The following EPHB2 variants were observed in gnomAD, a reference collection of about 807,000 sequenced individuals.
The protein encoded by EPHB2 is ephrin type-B receptor 2.
A neutral mutation model predicts 96.4 loss-of-function variants in EPHB2; 18 were observed. The observed-to-expected ratio is 0.19, with a 90% CI of 0.13 to 0.28. The LOEUF (loss-of-function observed/expected upper bound fraction) is 0.28, where lower values mean the gene tolerates loss of function less well. EPHB2 is among the 10% of genes least tolerant of loss of function. The pLI is 1.00. For synonymous variants in EPHB2, 506 were observed against 534.1 expected (o/e 0.95, Z 0.72); for missense variants, 989 against 1,355.4 (o/e 0.73, Z 4.25).
chr1:22,872,218 G>T (rs892423066), intron 5 of EPHB2, among the ~76,000 whole-genome samples: 2 of 152,084 alleles, frequency 1.3e-5, no homozygotes, highest in African/African-American at 4.8e-5. Context: ...GCTCCTCAAG[G>T]CCTCTCTTGG....
chr1:22,809,734 T>C (rs546053841), intron 3 of EPHB2, among the ~76,000 whole-genome samples: 3 of 152,246 alleles, frequency 2.0e-5, no homozygotes, highest in African/African-American at 7.2e-5. Context: ...TGGTCTCTGG[T>C]TGATTGTATG....
intron 6 of EPHB2, among the ~76,000 whole-genome samples, chr1:22,889,560 C>T (rs1299340504): frequency 2.0e-5 from 3 of 152,204 alleles, no homozygotes; most frequent in African/African-American, 7.2e-5. Flanking sequence ...TCCCTGGCCT[C>T]AGGAAATCCA....
intron 1 of EPHB2, among the ~76,000 whole-genome samples, chr1:22,731,037 GA>G (rs1282967829): frequency 1.3e-5 from 2 of 152,176 alleles, no homozygotes; most frequent in Admixed American, 1.3e-4. Flanking sequence ...GGGGGATCCA[GA>G]GGGGGCGGAG....
chr1:22,869,777 T>C (rs982633599), intron 5 of EPHB2, among the ~76,000 whole-genome samples: 1 of 152,218 alleles, frequency 6.6e-6, no homozygotes, highest in Non-Finnish European at 1.5e-5. Flanking sequence ...CTTCCTGACT[T>C]GGTGGGACAC....
Position 22,790,860 on chromosome 1 carries a change from T to A in EPHB2, c.811+5784T>A, listed in dbSNP as rs560231692. 1.3e-5 allele frequency among the ~76,000 whole-genome samples: 2 copies of A among 152,304 alleles called. No homozygotes were observed. Among genetic ancestry groups the A allele is most frequent in the South Asian group, 4.1e-4 (2 of 4,822 alleles). On this transcript the variant is annotated intron_variant, in intron 3 of 15. Coordinates refer to ENST00000374630, the MANE Select transcript of EPHB2 (RefSeq NM_017449.5). This position sits in a 1 kb window ranked among gnomAD's most constrained non-coding sequence, Gnocchi z 4.0. ...TTGATTCGCTGGCTCCAGCTCAGAC[T>A]CCCCAGTTCCCAGCTGCTGGGTTTC... is the stretch of plus-strand genomic sequence containing the variant.
intron 3 of EPHB2, among the ~76,000 whole-genome samples, chr1:22,795,618 T>G (rs1644756415): frequency 6.6e-6 from 1 of 152,198 alleles, no homozygotes; most frequent in African/African-American, 2.4e-5. Context: ...TGTGTAACAT[T>G]CGGATTCACT....
chr1:22,898,753 A>G (rs796248503), intron 9 of EPHB2, among the ~76,000 whole-genome samples: 4 of 152,128 alleles, frequency 2.6e-5, no homozygotes, highest in African/African-American at 9.6e-5. Context: ...TGGCAGGGAG[A>G]AGGTAGTGGG....
At chr1:22,876,251 C>T (rs1417026904) in intron 5 of EPHB2, among the ~76,000 whole-genome samples, 1 of 152,102 alleles carries the variant, frequency 6.6e-6, no homozygotes, top group Non-Finnish European at 1.5e-5. Flanking sequence ...GGTCGTAGCT[C>T]CGGGTTGTGA....
rs1418396828 is a variant in EPHB2 at position 22,860,195 on chromosome 1, G to T, written c.812-2842G>T. 6.6e-6 allele frequency among the ~76,000 whole-genome samples: 1 copy of T among 152,180 alleles called. No individual in the cohort carries two copies. The highest frequency in any genetic ancestry group is 2.4e-5 in the African/African-American group (1 of 41,440). ...GCACTCCAGAGAGCTAGTTTGGAGAGTGGGTGGGTGGGAGGAGGCCAGATG... is the reference window on the plus strand; with the variant it reads ...GCACTCCAGAGAGCTAGTTTGGAGATTGGGTGGGTGGGAGGAGGCCAGATG... On this transcript the variant is annotated intron_variant, in intron 3 of 15. Transcript: ENST00000374630. This position sits in a 1 kb window ranked among gnomAD's most constrained non-coding sequence, Gnocchi z 4.6.
chr1:22,848,844 C>T (rs1645582138), intron 3 of EPHB2, among the ~76,000 whole-genome samples: 1 of 152,114 alleles, frequency 6.6e-6, no homozygotes, highest in Admixed American at 6.5e-5. Context: ...CCGGGGGATA[C>T]AGTGGTTCTG....
intron 3 of EPHB2, among the ~76,000 whole-genome samples, chr1:22,806,492 CGGACGGACGGACGGATGGATGGAT>C (rs908122468): frequency 1.1e-5 from 1 of 91,920 alleles, no homozygotes; most frequent in African/African-American, 4.6e-5. Flanking sequence ...GACGGACGGA[CGGACGGACGGACGGATGGATGGAT>C]GGATGGATGG....
At chr1:22,776,832 T>C (rs1317901962) in intron 1 of EPHB2, among the ~76,000 whole-genome samples, 1 of 152,198 alleles carries the variant, frequency 6.6e-6, no homozygotes, top group African/African-American at 2.4e-5. Flanking sequence ...CCAACCCTAG[T>C]GGAGCAGAAC....
chr1:22,900,659 T>C lies in EPHB2; in HGVS notation c.1765+4181T>C, dbSNP rs1001595290. On this transcript the variant is annotated intron_variant, in intron 9 of 15. Transcript: ENST00000374630. ...TGCTATGTGGTTTGTGAGTCAGTAA[T>C]AAGGAAACAGGTGGGGTCTATTTTT... 2.0e-5 allele frequency among the ~76,000 whole-genome samples: 3 copies of C among 152,134 alleles called. No homozygotes were observed. In the East Asian group the frequency reaches 5.8e-4, roughly 29 times the overall value.
At chr1:22,752,290 G>A (rs1326057070) in intron 1 of EPHB2, among the ~76,000 whole-genome samples, 2 of 152,206 alleles carry the variant, frequency 1.3e-5, no homozygotes, top group Non-Finnish European at 2.9e-5. Context: ...TTGAGCCCAG[G>A]AGTTCAAGAC....
chr1:22,914,056 C>A lies in EPHB2; in HGVS notation c.*486C>A. On this transcript the variant is annotated 3_prime_UTR_variant, in exon 16 of 16. Transcript: ENST00000374630. ...TGCTCCTCTAGGCCTCACTCAACAA[C>A]CAAGCGCCTGGAGGACGGGACAGAT... The A allele has an allele frequency of 1.4e-6, 1 of 740,128 alleles. No individual in the cohort carries two copies. The highest frequency in any genetic ancestry group is 2.1e-5 in the South Asian group (1 of 47,128). The allele number at this position is 740,128 out of a possible 1,614,324, so 45.8% of individuals were successfully genotyped here. A position where few individuals can be genotyped will look rare whatever the true frequency, so the allele number is the denominator to read the frequency against.
chr1:22,712,887 G>A (rs1177420842), intron 1 of EPHB2, among the ~76,000 whole-genome samples: 1 of 152,206 alleles, frequency 6.6e-6, no homozygotes, highest in Non-Finnish European at 1.5e-5. Context: ...TATTTAGGTT[G>A]CAGTCAGCGG....
chr1:22,735,972 C>G (rs1304223268), intron 1 of EPHB2, among the ~76,000 whole-genome samples: 1 of 152,148 alleles, frequency 6.6e-6, no homozygotes, highest in Admixed American at 6.5e-5. Flanking sequence ...GGGTTCAAAT[C>G]CTGGCTTACA....
Position 22,892,989 on chromosome 1 carries a change from A to G in EPHB2, c.1534A>G (p.Thr512Ala). 2 of 1,614,160 alleles carry G rather than the reference A, an allele frequency of 1.2e-6. No individual in the cohort carries two copies. The highest frequency in any genetic ancestry group is 1.7e-6 in the Non-Finnish European group (2 of 1,180,012). ...AIYVFQVRAR[T>A]VAGYGRYSGK... ...CTATGTCTTCCAGGTGCGGGCACGC[A>G]CCGTGGCAGGTTACGGGCGCTACAG... Residue 512 changes from threonine (T) to alanine (A), a missense_variant, in exon 7 of 16, where the codon ACC (threonine) becomes GCC (alanine). Thr to Ala is a moderately conservative substitution (Grantham distance 58). Transcript: ENST00000374630.
At chr1:22,829,864 C>A (rs578169336) in intron 3 of EPHB2, among the ~76,000 whole-genome samples, 2 of 152,236 alleles carry the variant, frequency 1.3e-5, no homozygotes, top group Non-Finnish European at 2.9e-5. Flanking sequence ...CAGGAGACAG[C>A]CGCATGTGAT....
Sources: allele counts gnomAD v4.1 joint callset (sites outside exome capture counted in the v4.1 genomes callset), GRCh38; gene constraint gnomAD v4.1.1; non-coding constraint Gnocchi (gnomAD v3.1); transcripts MANE v1.5; gene names NCBI Gene and HGNC (gene_info 2026-07-23, HGNC 2026-07-21).